The following GALNT2 variants were observed in gnomAD, a reference collection of about 807,000 sequenced individuals.
GALNT2 encodes polypeptide N-acetylgalactosaminyltransferase 2, also known as UDP-GalNAc:polypeptide N-acetylgalactosaminyltransferase 2.
A neutral mutation model predicts 81.4 loss-of-function variants in GALNT2; 31 were observed. The observed-to-expected ratio is 0.38, with a 90% CI of 0.29 to 0.51. The LOEUF (loss-of-function observed/expected upper bound fraction) is 0.51, where lower values mean the gene tolerates loss of function less well. Ranked by LOEUF, GALNT2 falls within the 20% of genes least tolerant of loss-of-function variation. GALNT2 has a pLI of 0.87. For missense variants in GALNT2, 629 were observed against 765.7 expected (o/e 0.82, Z 2.11); for synonymous variants, 303 against 287.4 (o/e 1.05, Z -0.55).
intron 1 of GALNT2, among the ~76,000 whole-genome samples, chr1:230,167,644 C>T (rs565480366): frequency 1.7e-4 from 26 of 152,284 alleles, no homozygotes; most frequent in Admixed American, 8.5e-4. Flanking sequence ...AGCAGCCTTG[C>T]GGGGATATTG....
At chr1:230,244,680 A>G (rs111480467) in intron 7 of GALNT2, among the ~76,000 whole-genome samples, 11 of 152,326 alleles carry the variant, frequency 7.2e-5, no homozygotes, top group Non-Finnish European at 1.2e-4. Flanking sequence ...AACTTTCACT[A>G]AATTGAGCCT....
intron 1 of GALNT2, among the ~76,000 whole-genome samples, chr1:230,121,038 CT>C (rs2102800958): frequency 6.6e-6 from 1 of 152,340 alleles, no homozygotes; most frequent in South Asian, 2.1e-4. Context: ...CCAAGTGGTT[CT>C]CCCTGGTACT....
intron 14 of GALNT2, among the ~76,000 whole-genome samples, chr1:230,269,159 T>G (rs1438109242): frequency 2.0e-5 from 3 of 150,118 alleles, no homozygotes; most frequent in Non-Finnish European, 4.4e-5. Flanking sequence ...TTTTTTTTTT[T>G]GAGACGGAGT....
At chr1:230,110,309 T>C (rs565397460) in intron 1 of GALNT2, among the ~76,000 whole-genome samples, 7 of 152,336 alleles carry the variant, frequency 4.6e-5, no homozygotes, top group Non-Finnish European at 7.3e-5. Context: ...CTGTCTCTGC[T>C]CTGTGCTTGC....
intron 3 of GALNT2, among the ~76,000 whole-genome samples, chr1:230,227,948 A>T (rs1026461364): frequency 2.0e-5 from 3 of 152,224 alleles, no homozygotes; most frequent in African/African-American, 7.2e-5. Context: ...AGATGTATTG[A>T]TTTGTGGAAA....
At chr1:230,195,179 G>A (rs1050091204) in intron 2 of GALNT2, among the ~76,000 whole-genome samples, 4 of 152,346 alleles carry the variant, frequency 2.6e-5, no homozygotes, top group African/African-American at 9.6e-5. Context: ...AACCCGAGAG[G>A]TGGCTATAAT....
At chr1:230,081,975 G>T (rs1238026518) in intron 1 of GALNT2, among the ~76,000 whole-genome samples, 1 of 152,234 alleles carries the variant, frequency 6.6e-6, no homozygotes, top group East Asian at 1.9e-4. Context: ...ACGTTTATTT[G>T]TGCTTGCTCT....
chr1:230,267,474 C>G (rs1199790312), intron 14 of GALNT2, among the ~76,000 whole-genome samples: 2 of 152,212 alleles, frequency 1.3e-5, no homozygotes, highest in African/African-American at 4.8e-5. Context: ...GCATGCCATT[C>G]CCAGGCTCCC....
At chr1:230,197,463 A>G (rs567798880) in intron 2 of GALNT2, among the ~76,000 whole-genome samples, 282 of 152,260 alleles carry the variant, frequency 1.9e-3, no homozygotes, top group Non-Finnish European at 3.4e-3. Context: ...GACACCCCTC[A>G]TGGGTGTCAC....
At chr1:230,129,062 G>A (rs1029250922) in intron 1 of GALNT2, among the ~76,000 whole-genome samples, 6 of 152,200 alleles carry the variant, frequency 3.9e-5, no homozygotes, top group Non-Finnish European at 7.3e-5. Context: ...CGCTAGCGAC[G>A]CATCAGTCAT....
At chr1:230,137,973 T>A (rs1661604254) in intron 1 of GALNT2, among the ~76,000 whole-genome samples, 2 of 152,232 alleles carry the variant, frequency 1.3e-5, no homozygotes, top group Non-Finnish European at 2.9e-5. Context: ...TGCTTCATTC[T>A]AATCCTCCTG....
At chr1:230,123,673 T>C (rs1362184632) in intron 1 of GALNT2, among the ~76,000 whole-genome samples, 1 of 152,242 alleles carries the variant, frequency 6.6e-6, no homozygotes, top group East Asian at 1.9e-4. Flanking sequence ...CTTAAGTCTT[T>C]TTTACTTTCT....
At chr1:230,150,197 G>A (rs1053359721) in intron 1 of GALNT2, among the ~76,000 whole-genome samples, 7 of 152,272 alleles carry the variant, frequency 4.6e-5, no homozygotes, top group Admixed American at 3.9e-4. Flanking sequence ...GAGAGCCATC[G>A]CCTGCTTGGT....
chr1:230,116,218 A>G (rs1049220998), intron 1 of GALNT2, among the ~76,000 whole-genome samples: 2 of 152,086 alleles, frequency 1.3e-5, no homozygotes, highest in Non-Finnish European at 2.9e-5. Context: ...TGGCAGTTAT[A>G]GTTTTACAAA....
chr1:230,207,234 G>A (rs375820255), intron 3 of GALNT2, among the ~76,000 whole-genome samples: 26 of 151,986 alleles, frequency 1.7e-4, no homozygotes, highest in Admixed American at 9.8e-4. Context: ...AAAGAATACA[G>A]GAGAAGGAAA....
intron 8 of GALNT2, among the ~76,000 whole-genome samples, chr1:230,246,834 T>C (rs1306538509): frequency 6.6e-6 from 1 of 152,144 alleles, no homozygotes; most frequent in African/African-American, 2.4e-5. Flanking sequence ...TTAAAAATTA[T>C]CAAAGACCTC....
At chr1:230,107,381 T>C (rs1660572760) in intron 1 of GALNT2, among the ~76,000 whole-genome samples, 2 of 152,126 alleles carry the variant, frequency 1.3e-5, no homozygotes, top group South Asian at 4.1e-4. Context: ...GAGACCAGCC[T>C]GGGCAACAGA....
chr1:230,279,331 A>C lies in GALNT2; in HGVS notation c.1589A>C (p.Lys530Thr), dbSNP rs1186054078. 6.2e-7 allele frequency: 1 copy of C among 1,614,124 alleles called. No homozygotes were observed. Among genetic ancestry groups the C allele is most frequent in the South Asian group, 1.1e-5 (1 of 91,074 alleles). The change falls in exon 16 of 16, where the codon AAG (lysine) becomes ACG (threonine). Residue 530 changes from lysine to threonine, a missense_variant. Physicochemically the swap from Lys to Thr is moderately conservative, Grantham distance 78. Coordinates refer to ENST00000366672, the MANE Select transcript of GALNT2 (RefSeq NM_004481.5). This position sits in a 1 kb window ranked among gnomAD's most constrained non-coding sequence, Gnocchi z 4.6. ...QKWEQIEGNS[K>T]LRHVGSNLCL... ...TGGGAACAGATCGAGGGCAACTCCA[A>C]GCTGAGGCACGTGGGCAGCAACCTG...
chr1:230,094,195 G>C (rs1442035997), intron 1 of GALNT2, among the ~76,000 whole-genome samples: 3 of 132,392 alleles, frequency 2.3e-5, no homozygotes, highest in Non-Finnish European at 4.7e-5. Flanking sequence ...TTTTTTGGTA[G>C]AGATTGGGTT....
Sources: gnomAD v4.1 joint callset for allele counts (sites outside exome capture counted in the v4.1 genomes callset) on GRCh38, gnomAD v4.1.1 for gene constraint, Gnocchi (gnomAD v3.1) non-coding constraint, MANE v1.5 for transcripts, NCBI Gene and HGNC (gene_info 2026-07-23, HGNC 2026-07-21) for gene names.